STIM1: variants seen among roughly 807,000 people sequenced by gnomAD.
STIM1 encodes the protein stromal interaction molecule 1.
In STIM1, 25 loss-of-function variants were observed where a neutral mutation model predicts 74.7. The observed-to-expected ratio is 0.33, with a 90% confidence interval of 0.24 to 0.47. STIM1 has a LOEUF of 0.47. Among genes scored for constraint, STIM1 ranks in the 20% least tolerant of loss-of-function variants. STIM1 has a pLI of 1.00. For synonymous variants in STIM1, 328 were observed against 348.8 expected, an observed-to-expected ratio of 0.94 and a Z score of 0.66; for missense variants, 728 against 920.8, an observed-to-expected ratio of 0.79 and a Z score of 2.71.
chr11:3,947,596 T>A (rs1043619043), intron 1 of STIM1: 2 of 152,196 alleles, frequency 1.3e-5, no homozygotes, highest in African/African-American at 4.8e-5. Flanking sequence ...TTTCCTATAT[T>A]GGACAAAATA....
chr11:4,029,662 T>G (rs2094031263), intron 3 of STIM1, among the ~76,000 whole-genome samples: 1 of 152,110 alleles, frequency 6.6e-6, no homozygotes, highest in Admixed American at 6.5e-5. Flanking sequence ...TGCAATGGAA[T>G]GGCATCTGAT....
intron 2 of STIM1, among the ~76,000 whole-genome samples, chr11:3,986,490 C>G (rs1349836394): frequency 6.6e-6 from 1 of 152,100 alleles, no homozygotes; most frequent in Non-Finnish European, 1.5e-5. Flanking sequence ...GTGTGCCATA[C>G]TGAGGAACTT....
At chr11:4,076,255 G>A (rs1344100270) in intron 7 of STIM1, among the ~76,000 whole-genome samples, 1 of 151,834 alleles carries the variant, frequency 6.6e-6, no homozygotes, top group East Asian at 1.9e-4. Context: ...GGTGGCTGAG[G>A]TGGGCAGATT....
Position 4,091,400 on chromosome 11 carries a change from A to G in STIM1, c.1753A>G (p.Asn585Asp), listed in dbSNP as rs2094524177. The G allele has an allele frequency of 1.9e-6, 3 of 1,614,006 alleles. No individual in the cohort carries two copies. Among genetic ancestry groups the G allele is most frequent in the African/African-American group, 2.7e-5 (2 of 74,924 alleles). Residue 585 changes from asparagine to aspartate, a missense_variant, in exon 13 of 13, where the codon AAT (asparagine) becomes GAT (aspartate). Asn to Asp is a conservative substitution (Grantham distance 23, BLOSUM62 1). This residue lies in a region of STIM1 where 352 missense variants were observed against 370.1 expected (regional missense o/e 0.95). Transcript: ENST00000526596. ...CGAGGCTCTCAATGCCATGACTTCC[A>G]ATGGCAGCCACCGGCTGATCGAGGG... Reference protein sequence around the residue: ...ADEALNAMTSNGSHRLIEGVH... With the variant: ...ADEALNAMTSDGSHRLIEGVH...
Position 4,091,591 on chromosome 11 carries a change from C to A in STIM1, c.1944C>A (p.His648Gln), listed in dbSNP as rs769589075. ...CACATTTGGATTCTTCCCGTTCTCA[C>A]AGCCCCAGCTCCCCAGACCCAGACA... Reference protein sequence around the residue: ...GSPHLDSSRSHSPSSPDPDTP... With the variant: ...GSPHLDSSRSQSPSSPDPDTP... The change falls in exon 13 of 13, where the codon CAC (histidine) becomes CAA (glutamine). Residue 648 changes from histidine to glutamine, a missense_variant. Transcript: ENST00000526596. 1 of 1,614,234 alleles carries A rather than the reference C, an allele frequency of 6.2e-7. No homozygotes were observed. The highest frequency in any genetic ancestry group is 8.5e-7 in the Non-Finnish European group (1 of 1,180,040).
chr11:4,013,171 T>C (rs1034740178), intron 2 of STIM1, among the ~76,000 whole-genome samples: 1 of 152,258 alleles, frequency 6.6e-6, no homozygotes, highest in African/African-American at 2.4e-5. Context: ...TCGGGGACAC[T>C]GGCCTAAAAT....
rs1554959020 is a variant in STIM1, at chr11:3,937,317, T to TAAA, written c.140-30233_140-30231dup. On this transcript the variant is annotated intron_variant, in intron 1 of 12. Transcript: ENST00000526596. ...ATAATAATAATAATAATAATAATAATAAAATATCTGGAATGAGTGTGAAAT... is the reference window on the plus strand; with the variant it reads ...ATAATAATAATAATAATAATAATAATAAAAAAATATCTGGAATGAGTGTGAAAT... 4.2e-3 allele frequency among the ~76,000 whole-genome samples: 625 copies of TAAA among 149,432 alleles called. 4 individuals carry two copies. The highest frequency in any genetic ancestry group is 0.014 in the African/African-American group (588 of 40,980).
In STIM1 at chr11:3,882,121, C is replaced by T. The variant is rs536016535; in HGVS notation, c.139+25712C>T. 1.5e-4 allele frequency among the ~76,000 whole-genome samples: 14 copies of T among 94,752 alleles called. No individual in the cohort carries two copies. The East Asian group carries it at 3.3e-3, about 23-fold the overall frequency. 62.2% of individuals were successfully genotyped at this position (94,752 alleles called of 152,430 possible). A position where few individuals can be genotyped will look rare whatever the true frequency, so the allele number is the denominator to read the frequency against. ...TTTTTTTTTTTTTTTTTTTTTGAGA[C>T]AGAGTTTCGCTCTTGTTGCCCAGGC... On this transcript the variant is annotated intron_variant, in intron 1 of 12. Transcript: ENST00000526596.
chr11:4,004,740 T>A (rs2093759261), intron 2 of STIM1, among the ~76,000 whole-genome samples: 1 of 151,458 alleles, frequency 6.6e-6, no homozygotes, highest in Non-Finnish European at 1.5e-5. Flanking sequence ...ACAAATGGGA[T>A]CTAATTAAAC....
chr11:3,888,529 C>A (rs2091798802), intron 1 of STIM1, among the ~76,000 whole-genome samples: 1 of 151,918 alleles, frequency 6.6e-6, no homozygotes, highest in South Asian at 2.1e-4. Context: ...TGGAACATTG[C>A]CATATAGTCT....
chr11:3,965,506 T>C (rs2093331064), intron 1 of STIM1, among the ~76,000 whole-genome samples: 1 of 152,204 alleles, frequency 6.6e-6, no homozygotes, highest in African/African-American at 2.4e-5. Context: ...ATCAAAAAGC[T>C]CTAATATGCA....
At chr11:3,947,166 G>A (rs117737417) in intron 1 of STIM1, among the ~76,000 whole-genome samples, 1,739 of 147,660 alleles carry the variant, frequency 0.012, 15 homozygotes, top group Middle Eastern at 0.021. Flanking sequence ...GTTAACAGCT[G>A]TGGACAGGAA....
chr11:3,894,752 T>G (rs980134395), intron 1 of STIM1, among the ~76,000 whole-genome samples: 3 of 152,134 alleles, frequency 2.0e-5, no homozygotes, highest in African/African-American at 7.2e-5. Context: ...TCTTTTCTTT[T>G]TTTTGAGACA....
intron 3 of STIM1, among the ~76,000 whole-genome samples, chr11:4,052,435 A>G (rs2094250739): frequency 6.6e-6 from 1 of 152,178 alleles, no homozygotes; most frequent in Admixed American, 6.5e-5. Context: ...ATAATACCAC[A>G]CATCTGTAAC....
chr11:3,937,415 C>CT (rs2092947866), intron 1 of STIM1, among the ~76,000 whole-genome samples: 1 of 152,040 alleles, frequency 6.6e-6, no homozygotes, highest in Non-Finnish European at 1.5e-5. Flanking sequence ...TATTCAAAAA[C>CT]TCTAAGGGCT....
At chr11:3,875,098 C>G (rs1233007288) in intron 1 of STIM1, among the ~76,000 whole-genome samples, 1 of 151,950 alleles carries the variant, frequency 6.6e-6, no homozygotes, top group Non-Finnish European at 1.5e-5. Flanking sequence ...TATGACAAAC[C>G]CTCAGCTTCG....
At chr11:4,030,342 A>T (rs1005497374) in intron 3 of STIM1, among the ~76,000 whole-genome samples, 1 of 147,496 alleles carries the variant, frequency 6.8e-6, no homozygotes, top group African/African-American at 2.6e-5. Context: ...AAAAAAAAAA[A>T]GAAAGAAAGA....
intron 2 of STIM1, among the ~76,000 whole-genome samples, chr11:3,984,919 G>A (rs2093543788): frequency 6.6e-6 from 1 of 152,186 alleles, no homozygotes; most frequent in Non-Finnish European, 1.5e-5. Context: ...AGGTCCTGTG[G>A]GAGTTTCCAG....
intron 12 of STIM1, among the ~76,000 whole-genome samples, chr11:4,087,970 G>T (rs1180418098): frequency 6.6e-6 from 1 of 151,878 alleles, no homozygotes; most frequent in African/African-American, 2.4e-5. Flanking sequence ...GTAAGTTAAG[G>T]TTCTAAAAGG....
Sources: allele counts gnomAD v4.1 joint callset (sites outside exome capture counted in the v4.1 genomes callset), GRCh38; gene constraint gnomAD v4.1.1; regional missense constraint gnomAD v4.1.1; transcripts MANE v1.5; gene names NCBI Gene and HGNC (gene_info 2026-07-23, HGNC 2026-07-21).